Variants in FHL2 observed in about 807,000 individuals in gnomAD.
FHL2 encodes four and a half LIM domains 2.
FHL2 carries 20 observed loss-of-function variants against 32.7 expected under a neutral mutation model. The ratio of observed to expected loss-of-function variants is 0.61; its 90% CI spans 0.43 to 0.89. FHL2 has a LOEUF of 0.89. FHL2 is among the 40% of genes least tolerant of loss of function. FHL2 has a pLI of 0.00. For missense variants in FHL2, 311 were observed against 358.6 expected (o/e 0.87, Z 1.07); for synonymous variants, 123 against 128.1 (o/e 0.96, Z 0.27).
chr2:105,422,949 C>T (rs963084168), intron 1 of FHL2, among the ~76,000 whole-genome samples: 5 of 152,180 alleles, frequency 3.3e-5, no homozygotes, highest in African/African-American at 7.2e-5. Context: ...TGTCAGAACA[C>T]TAATTTACTC....
rs2104588781 is a variant in FHL2, at chr2:105,386,658, G to A, written c.-24-118C>T. 3 of 770,286 alleles carry A rather than the reference G, an allele frequency of 3.9e-6. No homozygotes were observed. In the South Asian group the frequency reaches 5.8e-5, roughly 15 times the overall value. The allele number at this position is 770,286 out of a possible 1,614,324, so 47.7% of individuals were successfully genotyped here. ...TAGCCGAAAGGTGGCTAATTCCTCT[G>A]GATGAATAATTAAAACTCACCCTTT... On this transcript the variant is annotated intron_variant, in intron 2 of 6. Transcript: ENST00000530340.
chr2:105,377,895 G>T (rs779949645), intron 3 of FHL2: 1 of 380,624 alleles, frequency 2.6e-6, no homozygotes, highest in Non-Finnish European at 5.3e-6. Flanking sequence ...TGGCTGCCCT[G>T]CCCAGGGAGG....
At chr2:105,403,637 A>C (rs1683540919), upstream of FHL2, among the ~76,000 whole-genome samples, 1 of 152,228 alleles carries the variant, frequency 6.6e-6, no homozygotes, top group Non-Finnish European at 1.5e-5. Context: ...CACGCCCTCC[A>C]GGTGATTCTG....
At chr2:105,418,977 C>A (rs1684019656) in intron 1 of FHL2, among the ~76,000 whole-genome samples, 1 of 152,168 alleles carries the variant, frequency 6.6e-6, no homozygotes, top group African/African-American at 2.4e-5. Context: ...CAGTTTCAGG[C>A]ATGCACTGCA....
chr2:105,379,596 C>T (rs1465528327), intron 3 of FHL2, among the ~76,000 whole-genome samples: 1 of 152,208 alleles, frequency 6.6e-6, no homozygotes, highest in African/African-American at 2.4e-5. Flanking sequence ...TCCCACTGCC[C>T]TTCCACCTGA....
chr2:105,434,711 C>G (rs1573415434), intron 1 of FHL2, among the ~76,000 whole-genome samples: 1 of 152,056 alleles, frequency 6.6e-6, no homozygotes, highest in Non-Finnish European at 1.5e-5. Flanking sequence ...ATAATGTTTA[C>G]CTATAGTGCT....
At chr2:105,393,988 C>A (rs77921537) in intron 2 of FHL2, among the ~76,000 whole-genome samples, 1,545 of 152,282 alleles carry the variant, frequency 0.01, 28 homozygotes, top group African/African-American at 0.035. Flanking sequence ...ACGCACAGAT[C>A]CCCAACACGG....
intron 1 of FHL2, among the ~76,000 whole-genome samples, chr2:105,397,888 G>GTTTTTT (rs55868128): frequency 1.4e-5 from 2 of 138,572 alleles, no homozygotes; most frequent in African/African-American, 2.9e-5. Context: ...TTTGTTTTTT[G>GTTTTTT]TTTTTTTTTG....
In FHL2 at chr2:105,364,512, G is replaced by A. The variant is rs115847435; in HGVS notation, c.502-1041C>T. 9.6e-4 allele frequency among the ~76,000 whole-genome samples: 146 copies of A among 152,324 alleles called. 1 individual carries two copies. Among genetic ancestry groups the A allele is most frequent in the South Asian group, 2.7e-3 (13 of 4,826 alleles). On this transcript the variant is annotated intron_variant, in intron 5 of 6. Transcript: ENST00000530340. The stretch of plus-strand genomic sequence containing the variant: ...AGGTGAAGCTGCAAAGCCACATGAG[G>A]TGGAACTGGCCATCAGTACCTCAAT...
upstream of FHL2, among the ~76,000 whole-genome samples, chr2:105,400,420 C>G (rs542787097): frequency 8.4e-4 from 127 of 151,170 alleles, no homozygotes; most frequent in South Asian, 1.9e-3. Flanking sequence ...TCCTGAAGAA[C>G]CTGAGTTAAG....
At chr2:105,364,344 G>A (rs189945325) in intron 5 of FHL2, among the ~76,000 whole-genome samples, 2 of 152,302 alleles carry the variant, frequency 1.3e-5, no homozygotes, top group African/African-American at 2.4e-5. Context: ...AGCCACTTAC[G>A]GTGAAAGAAG....
chr2:105,414,472 G>GC (rs569249329), intron 1 of FHL2, among the ~76,000 whole-genome samples: 105 of 151,782 alleles, frequency 6.9e-4, no homozygotes, highest in Admixed American at 2.7e-3. Context: ...GCTAGGACCC[G>GC]CCCCCCCTCC....
At chr2:105,370,211 C>CCG (rs1680940247) in intron 4 of FHL2, among the ~76,000 whole-genome samples, 6 of 151,700 alleles carry the variant, frequency 4.0e-5, no homozygotes, top group Admixed American at 3.9e-4. Context: ...TGTCTCTACC[C>CCG]CCCCAAAAAA....
At chr2:105,433,607 C>T (rs543366956) in intron 1 of FHL2, among the ~76,000 whole-genome samples, 34 of 152,226 alleles carry the variant, frequency 2.2e-4, no homozygotes, top group Non-Finnish European at 3.1e-4. Context: ...CCTCTGTGCC[C>T]CTTTGCCTCT....
intron 2 of FHL2, among the ~76,000 whole-genome samples, chr2:105,392,528 G>C (rs1022631340): frequency 1.3e-5 from 2 of 152,046 alleles, no homozygotes; most frequent in Admixed American, 1.3e-4. Flanking sequence ...TAAGAATAAA[G>C]GTTCAGAGGG....
intron 1 of FHL2, among the ~76,000 whole-genome samples, chr2:105,422,729 A>G (rs1684141623): frequency 6.6e-6 from 1 of 151,024 alleles, no homozygotes; most frequent in African/African-American, 2.4e-5. Context: ...ACGAGATTGC[A>G]TCTTTAGGTT....
chr2:105,381,822 A>C (rs1681913736), intron 3 of FHL2, among the ~76,000 whole-genome samples: 1 of 152,142 alleles, frequency 6.6e-6, no homozygotes, highest in Non-Finnish European at 1.5e-5. Context: ...CCAACAAATA[A>C]AAAAGCACCA....
At chr2:105,411,303 T>C (rs1683781191) in intron 1 of FHL2, among the ~76,000 whole-genome samples, 1 of 152,202 alleles carries the variant, frequency 6.6e-6, no homozygotes, top group South Asian at 2.1e-4. Context: ...AGTAACTTTT[T>C]AAGATAAAGA....
At chr2:105,363,800 G>A (rs1288733406) in intron 5 of FHL2, among the ~76,000 whole-genome samples, 7 of 152,132 alleles carry the variant, frequency 4.6e-5, no homozygotes, top group African/African-American at 7.2e-5. Flanking sequence ...TGGAGGGGTC[G>A]GGATTCAATA....
Sources: allele counts gnomAD v4.1 joint callset (sites outside exome capture counted in the v4.1 genomes callset), GRCh38; gene constraint gnomAD v4.1.1; transcripts MANE v1.5; gene names NCBI Gene and HGNC (gene_info 2026-07-23, HGNC 2026-07-21).